Variants in KNDC1 observed in about 807,000 individuals in gnomAD.
The protein encoded by KNDC1 is kinase non-catalytic C-lobe domain containing 1, also known as kinase non-catalytic C-lobe domain-containing protein 1.
Under a neutral mutation model 172.8 loss-of-function variants are expected in KNDC1, and 106 were observed. That is an observed-to-expected ratio of 0.61 (90% CI 0.52 to 0.72). KNDC1 has a LOEUF of 0.72. KNDC1 is among the 30% of genes least tolerant of loss of function. KNDC1 has a pLI of 0.00. For missense variants in KNDC1, 2,325 were observed against 2,394.5 expected, an observed-to-expected ratio of 0.97 and a Z score of 0.61; for synonymous variants, 1,083 against 1,062.2, an observed-to-expected ratio of 1.02 and a Z score of -0.38.
Position 133,214,060 on chromosome 10 carries a change from A to G in KNDC1, c.4615A>G (p.Arg1539Gly). The G allele has an allele frequency of 1.2e-6, 2 of 1,614,204 alleles. No individual in the cohort carries two copies. The change falls in exon 26 of 30, where the codon AGA (arginine) becomes GGA (glycine). Residue 1539 changes from arginine to glycine, a missense_variant. Transcript: ENST00000304613. ...GGACAAGTATCTGTTACAGCTTCTA[A>G]GAAACGCAGATGACGTCAGCACCTG... ...VQDKYLLQLL[R>G]NADDVSTWVA...
intron 22 of KNDC1, 23 bp from the exon 23 acceptor site, chr10:133,211,656 C>A (rs1039988845): frequency 4.4e-6 from 7 of 1,590,664 alleles, no homozygotes; most frequent in Middle Eastern, 1.7e-4. Context: ...CAGTGACCCC[C>A]CCACCACTGT....
intron 26 of KNDC1, among the ~76,000 whole-genome samples, chr10:133,218,261 A>G (rs565528492): frequency 8.9e-4 from 136 of 152,304 alleles, no homozygotes; most frequent in African/African-American, 3.1e-3. Flanking sequence ...GACTGCTCAG[A>G]ATAGGAATCC....
intron 3 of KNDC1, among the ~76,000 whole-genome samples, chr10:133,175,428 AATGG>A (rs947433563): frequency 5.3e-5 from 3 of 56,890 alleles, no homozygotes; most frequent in African/African-American, 1.4e-4. Context: ...TGGGTAGATG[AATGG>A]ATGAGTGGAT....
chr10:133,203,081 G>A (rs12761481), intron 17 of KNDC1, among the ~76,000 whole-genome samples: 27 of 144,918 alleles, frequency 1.9e-4, no homozygotes, highest in African/African-American at 5.7e-4. Flanking sequence ...AGAGTCCAGC[G>A]GGGAGCACTC....
At chr10:133,168,422 T>C (rs564793406) in intron 3 of KNDC1, 110 bp downstream of exon 3, 288 of 1,165,462 alleles carry the variant, frequency 2.5e-4, no homozygotes, top group Non-Finnish European at 3.2e-4. Flanking sequence ...AAGTGGCCTC[T>C]GGCCGGGAGC....
intron 26 of KNDC1, among the ~76,000 whole-genome samples, chr10:133,217,033 G>A (rs529462276): frequency 4.6e-5 from 7 of 152,344 alleles, no homozygotes; most frequent in South Asian, 2.1e-4. Flanking sequence ...AGTGGGGCAC[G>A]GGGAGCTCGT....
intron 17 of KNDC1, among the ~76,000 whole-genome samples, chr10:133,206,209 T>C (rs1395764910): frequency 6.6e-6 from 1 of 152,090 alleles, no homozygotes; most frequent in Non-Finnish European, 1.5e-5. Flanking sequence ...TCAAAAATAA[T>C]AACTAAATTA....
intron 3 of KNDC1, among the ~76,000 whole-genome samples, chr10:133,181,903 C>T (rs1853729918): frequency 6.6e-6 from 1 of 151,562 alleles, no homozygotes; most frequent in South Asian, 2.1e-4. Flanking sequence ...AGTTTATGCC[C>T]CAGAGAAGAA....
intron 10 of KNDC1, among the ~76,000 whole-genome samples, chr10:133,196,210 C>T (rs991790477): frequency 1.3e-5 from 2 of 152,094 alleles, no homozygotes; most frequent in African/African-American, 4.8e-5. Flanking sequence ...ACCTCACCCC[C>T]CACCCCGAAC....
chr10:133,173,034 T>G (rs888477713), intron 3 of KNDC1, among the ~76,000 whole-genome samples: 2 of 152,196 alleles, frequency 1.3e-5, no homozygotes, highest in Non-Finnish European at 2.9e-5. Flanking sequence ...TGATCTCTGG[T>G]GTTTCTTACT....
rs558468694 is a variant in KNDC1 at position 133,206,960 on chromosome 10, G to A, written c.3579+7G>A. The A allele has an allele frequency of 1.2e-6, 2 of 1,612,984 alleles. No individual in the cohort carries two copies. Among genetic ancestry groups the A allele is most frequent in the South Asian group, 1.1e-5 (1 of 91,072 alleles). On this transcript the variant is annotated splice_region_variant and intron_variant, in intron 19 of 29. Coordinates refer to ENST00000304613, the MANE Select transcript of KNDC1 (RefSeq NM_152643.8). Reference sequence around the variant, plus strand: ...GGTCAAGAAGTATCTGCAGGCAAGTGGGCTCCGGGCCCCGCTCTGCCCCGT... The same window carrying A: ...GGTCAAGAAGTATCTGCAGGCAAGTAGGCTCCGGGCCCCGCTCTGCCCCGT...
intron 20 of KNDC1, among the ~76,000 whole-genome samples, chr10:133,210,239 G>C (rs1172085892): frequency 6.6e-6 from 1 of 151,766 alleles, no homozygotes; most frequent in Non-Finnish European, 1.5e-5. Flanking sequence ...ACAAAAATCA[G>C]CCGGGCATGG....
intron 11 of KNDC1, 68 bp downstream of exon 11, chr10:133,197,203 G>A: frequency 7.7e-7 from 1 of 1,297,566 alleles, no homozygotes; most frequent in Non-Finnish European, 1.1e-6. Flanking sequence ...GGACGCACTT[G>A]CCCTTGCCTG....
chr10:133,213,105 A>G (rs979079344), intron 24 of KNDC1, among the ~76,000 whole-genome samples, 183 bp downstream of exon 24: 2 of 151,202 alleles, frequency 1.3e-5, no homozygotes, highest in Admixed American at 6.6e-5. Context: ...TGCTGCCTCA[A>G]TGGGAGGCCC....
At chr10:133,197,793 GC>G in intron 12 of KNDC1, 25 bp downstream of exon 12, 1 of 1,536,304 alleles carries the variant, frequency 6.5e-7, no homozygotes. Flanking sequence ...AGCCCCTGCT[GC>G]CCCACCAGCT....
At chr10:133,197,222 C>T (rs1008598566) in intron 11 of KNDC1, 87 bp downstream of exon 11, 24 of 1,041,538 alleles carry the variant, frequency 2.3e-5, no homozygotes, top group African/African-American at 1.1e-4. Flanking sequence ...TGGCCGCTCC[C>T]GGCAGCCCCA....
chr10:133,200,377 C>A lies in KNDC1; in HGVS notation c.2906C>A (p.Thr969Lys). ...CTGACCTGCATTCTCGTCGTCAGCA[C>A]GGCCGAGGAGGCTGGGTCACAGCTC... is the stretch of plus-strand genomic sequence containing the variant. ...VNGQASPSPS[T>K]AEEAGSQLEG... The change falls in exon 16 of 30, where the codon ACG becomes AAG. Residue 969 changes from threonine to lysine, a missense_variant and splice_region_variant. Thr to Lys is a moderately conservative substitution (Grantham distance 78). Coordinates refer to ENST00000304613, the MANE Select transcript of KNDC1 (RefSeq NM_152643.8). The A allele has an allele frequency of 6.3e-7, 1 of 1,587,698 alleles. No individual in the cohort carries two copies. Among genetic ancestry groups the A allele is most frequent in the Non-Finnish European group, 8.6e-7 (1 of 1,168,280 alleles).
At position 133,183,218 on chromosome 10, in the gene KNDC1, G is replaced by T. The variant is rs555702430; in HGVS notation, c.361-126G>T. 1.0e-4 allele frequency: 122 copies of T among 1,196,156 alleles called. 5 individuals carry two copies. The South Asian group carries it at 1.9e-3, about 18-fold the overall frequency. 74.1% of individuals were successfully genotyped at this position (1,196,156 alleles called of 1,614,324 possible). ...GGGTGTGGGCAGCGTGGGCACGGGT[G>T]CTGCTTCCCCTCAGGGGAATCTCAC... On this transcript the variant is annotated intron_variant, in intron 3 of 29. Transcript: ENST00000304613.
At chr10:133,168,602 G>A (rs906167508) in intron 3 of KNDC1, among the ~76,000 whole-genome samples, 3 of 152,222 alleles carry the variant, frequency 2.0e-5, no homozygotes, top group Admixed American at 6.5e-5. Flanking sequence ...CTTTGGCTAC[G>A]TTTGTCATCA....
Sources: allele counts gnomAD v4.1 joint callset (sites outside exome capture counted in the v4.1 genomes callset), GRCh38; gene constraint gnomAD v4.1.1; transcripts MANE v1.5; gene names NCBI Gene and HGNC (gene_info 2026-07-23, HGNC 2026-07-21).